The following CCL15 variants were observed in gnomAD, a reference collection of about 807,000 sequenced individuals.
CCL15 encodes the protein C-C motif chemokine ligand 15.
Under a neutral mutation model 10.6 loss-of-function variants are expected in CCL15, and 8 were observed. The ratio of observed to expected loss-of-function variants is 0.75; its 90% CI spans 0.44 to 1.36. The LOEUF is 1.36. Ranked by LOEUF, CCL15 falls within the 40% of genes most tolerant of loss-of-function variation. CCL15 has a pLI of 0.00. For missense variants in CCL15, 128 were observed against 136.6 expected, an observed-to-expected ratio of 0.94 and a Z score of 0.32; for synonymous variants, 51 against 48.8, an observed-to-expected ratio of 1.04 and a Z score of -0.19.
chr17:36,001,332 C>A, intron 1 of CCL15, 85 bp downstream of exon 1: 6 of 1,533,656 alleles, frequency 3.9e-6, no homozygotes, highest in Non-Finnish European at 5.4e-6. Context: ...CATGTCTGGG[C>A]TGGAGAGTAG....
At position 36,001,442 on chromosome 17, in the gene CCL15, A is replaced by G. The variant is rs1311527503; in HGVS notation, c.51T>C (p.Leu17=). The G allele has an allele frequency of 6.2e-7, 1 of 1,614,036 alleles. No homozygotes were observed. The highest frequency in any genetic ancestry group is 1.7e-5 in the Admixed American group (1 of 60,006). Residue 17 remains leucine (L), a synonymous_variant, in exon 1 of 4, where the codon CTT becomes CTC. Transcript: ENST00000617897. ...ALSCLMLVAV[L]GSQAQFTNDA... ...CATTTGTGAACTGGGCCTGGGATCCAAGGACAGCAACAAGCATGAGGCAGG... is the reference window on the plus strand; with the variant it reads ...CATTTGTGAACTGGGCCTGGGATCCGAGGACAGCAACAAGCATGAGGCAGG...
At chr17:36,001,264 G>T (rs957266562) in intron 1 of CCL15, among the ~76,000 whole-genome samples, 153 bp downstream of exon 1, 7 of 152,244 alleles carry the variant, frequency 4.6e-5, no homozygotes, top group African/African-American at 1.7e-4. Flanking sequence ...AGGGTCCAAA[G>T]GCTGCAGACA....
chr17:36,000,690 C>T (rs2089983515), intron 1 of CCL15, among the ~76,000 whole-genome samples: 1 of 152,072 alleles, frequency 6.6e-6, no homozygotes, highest in African/African-American at 2.4e-5. Context: ...GAGACTATCC[C>T]TATACCCCAA....
chr17:35,998,095 A>G (rs1449120448), intron 3 of CCL15, among the ~76,000 whole-genome samples, 185 bp downstream of exon 3: 1 of 151,944 alleles, frequency 6.6e-6, no homozygotes, highest in Non-Finnish European at 1.5e-5. Context: ...TTCCTTCCCT[A>G]TCTCCTCTCC....
In CCL15 at chr17:36,001,358, G is replaced by A. The variant is rs556368365; in HGVS notation, c.76+59C>T. On this transcript the variant is annotated intron_variant, in intron 1 of 3. Coordinates refer to ENST00000617897, the MANE Select transcript of CCL15 (RefSeq NM_032965.6). ...TGGAGAGTAGTCACAACATGTCTCC[G>A]TCCCAGAGCTTGAGTTACCATGGAC... The A allele has an allele frequency of 8.8e-5, 141 of 1,601,898 alleles. No homozygotes were observed. The East Asian group carries it at 2.0e-3, about 23-fold the overall frequency.
Position 36,001,525 on chromosome 17 carries a change from C to G in CCL15, c.-33G>C. 2 of 1,611,796 alleles carry G rather than the reference C, an allele frequency of 1.2e-6. No individual in the cohort carries two copies. The highest frequency in any genetic ancestry group is 1.7e-6 in the Non-Finnish European group (2 of 1,179,628). On this transcript the variant is annotated 5_prime_UTR_variant, in exon 1 of 4. Transcript: ENST00000617897. ...GTGGGCAGGCAGGGCTGGCCGAGGA[C>G]TCCTGGGCTCACTGCTTCCTGGCTC...
At position 35,998,357 on chromosome 17, in the gene CCL15, G is replaced by C; in HGVS notation, c.171C>G (p.Tyr57Ter). The C allele has an allele frequency of 6.2e-7, 1 of 1,614,108 alleles. No individual in the cohort carries two copies. The highest frequency in any genetic ancestry group is 8.5e-7 in the Non-Finnish European group (1 of 1,179,934). The stretch of plus-strand genomic sequence containing the variant: ...GTGAACACGGGATGCTTTGTGAGAT[G>C]TAGGAGGTGCAGCAGTCAGCAGCAA... ...FHFAADCCTS[Y>*]ISQSIPCSLM... The change falls in exon 3 of 4, where the codon TAC becomes TAG. Residue 57 changes from tyrosine to a stop codon, truncating the protein, a stop_gained. Coordinates refer to ENST00000617897, the MANE Select transcript of CCL15 (RefSeq NM_032965.6). LOFTEE classifies it high-confidence loss of function.
At position 35,997,721 on chromosome 17, in the gene CCL15, AGGAGGTGTT is replaced by A; in HGVS notation, c.*37_*45del. 1 of 1,144,224 alleles carries A rather than the reference AGGAGGTGTT, an allele frequency of 8.7e-7. No individual in the cohort carries two copies. The highest frequency in any genetic ancestry group is 1.3e-6 in the Non-Finnish European group (1 of 752,858). The allele number at this position is 1,144,224 out of a possible 1,614,324, so 70.9% of individuals were successfully genotyped here. Reference sequence around the variant, plus strand: ...AAGTATTTCAGACCAAGAAACTCACAGGAGGTGTTGGAGGTGGGTGGCTGGCCTCTTTTG... The same window carrying A: ...AAGTATTTCAGACCAAGAAACTCACAGGAGGTGGGTGGCTGGCCTCTTTTG... On this transcript the variant is annotated 3_prime_UTR_variant, in exon 4 of 4. Transcript: ENST00000617897.
In CCL15 at chr17:35,998,345, G is replaced by A. The variant is rs774089969; in HGVS notation, c.183C>T (p.Ser61=). The A allele has an allele frequency of 2.5e-6, 4 of 1,614,196 alleles. No homozygotes were observed. Among genetic ancestry groups the A allele is most frequent in the Non-Finnish European group, 3.4e-6 (4 of 1,179,996 alleles). The change falls in exon 3 of 4, where the codon AGC becomes AGT. Residue 61 remains serine, a synonymous_variant. Transcript: ENST00000617897. ...AACTTTTCATGAGTGAACACGGGAT[G>A]CTTTGTGAGATGTAGGAGGTGCAGC... ...ADCCTSYISQ[S]IPCSLMKSYF... is the part of the protein sequence containing the mutation.
intron 1 of CCL15, among the ~76,000 whole-genome samples, chr17:35,999,440 G>A (rs1368052325): frequency 1.1e-4 from 16 of 151,672 alleles, no homozygotes; most frequent in Admixed American, 7.9e-4. Context: ...CCAAGGATAA[G>A]TACCATCTAG....
chr17:35,998,613 T>C (rs1422120526), intron 2 of CCL15, among the ~76,000 whole-genome samples: 1 of 152,222 alleles, frequency 6.6e-6, no homozygotes, highest in East Asian at 1.9e-4. Flanking sequence ...GGGGAAGGCA[T>C]CTGCAGACAC....
At chr17:36,000,990 G>T (rs2089988852) in intron 1 of CCL15, among the ~76,000 whole-genome samples, 1 of 152,062 alleles carries the variant, frequency 6.6e-6, no homozygotes, top group African/African-American at 2.4e-5. Flanking sequence ...GATTCCACAG[G>T]AACAAGTGAG....
chr17:35,997,962 T>G, intron 3 of CCL15, 102 bp from the exon 4 acceptor site: 1 of 786,416 alleles, frequency 1.3e-6, no homozygotes, highest in Non-Finnish European at 2.2e-6. Context: ...CAACACAGCC[T>G]GTTTTTTCCT....
chr17:36,000,749 T>G (rs1487683429), intron 1 of CCL15, among the ~76,000 whole-genome samples: 1 of 152,014 alleles, frequency 6.6e-6, no homozygotes, highest in African/African-American at 2.4e-5. Flanking sequence ...GTATGCTCTG[T>G]GCTGCCTTGC....
At chr17:35,998,814 A>G (rs2089950390) in intron 2 of CCL15, 52 bp downstream of exon 2, 1 of 1,369,980 alleles carries the variant, frequency 7.3e-7, no homozygotes, top group African/African-American at 1.4e-5. Context: ...CCCATAGTGC[A>G]GACCTGCACC....
chr17:35,998,200 C>A, intron 3 of CCL15, 80 bp downstream of exon 3: 1 of 889,172 alleles, frequency 1.1e-6, no homozygotes, highest in Admixed American at 2.0e-5. Flanking sequence ...ACCCGATGGA[C>A]GCCCATCCGT....
chr17:35,998,391 C>A lies in CCL15; in HGVS notation c.137G>T (p.Ser46Ile), dbSNP rs777155696. 4 of 1,608,894 alleles carry A rather than the reference C, an allele frequency of 2.5e-6. No homozygotes were observed. The African/African-American group carries it at 5.3e-5, about 21-fold the overall frequency. ...GCAGCAGTCAGCAGCAAAGTGAAAGCCTGCAGCAAGAGAAAGCGTCATCTG... is the reference window on the plus strand; with the variant it reads ...GCAGCAGTCAGCAGCAAAGTGAAAGACTGCAGCAAGAGAAAGCGTCATCTG... ...LPLENPVVLN[S>I]FHFAADCCTS... is the part of the protein sequence containing the mutation. The change falls in exon 3 of 4, where the codon AGC becomes ATC. Residue 46 changes from serine (S) to isoleucine (I), a missense_variant and splice_region_variant. Coordinates refer to ENST00000617897, the MANE Select transcript of CCL15 (RefSeq NM_032965.6).
At chr17:35,998,447 G>GGAGGGT in intron 2 of CCL15, 56 bp from the exon 3 acceptor site, 1 of 1,222,524 alleles carries the variant, frequency 8.2e-7, no homozygotes, top group South Asian at 1.2e-5. Context: ...AAAGCACAGT[G>GGAGGGT]GAGGGTGAGA....
chr17:35,998,929 A>G lies in CCL15; in HGVS notation c.77-4T>C. On this transcript the variant is annotated splice_region_variant and splice_polypyrimidine_tract_variant and intron_variant, in intron 1 of 3. Coordinates refer to ENST00000617897, the MANE Select transcript of CCL15 (RefSeq NM_032965.6). ...ATCATTAACTCTGTCTCTGCATCTG[A>G]AAGAAACAGTACAGGGAAGGAAATC... 6.2e-7 allele frequency: 1 copy of G among 1,612,926 alleles called. No individual in the cohort carries two copies. The highest frequency in any genetic ancestry group is 8.5e-7 in the Non-Finnish European group (1 of 1,178,854).
Sources: gnomAD v4.1 joint callset for allele counts (sites outside exome capture counted in the v4.1 genomes callset) on GRCh38, gnomAD v4.1.1 for gene constraint, MANE v1.5 for transcripts, NCBI Gene and HGNC (gene_info 2026-07-23, HGNC 2026-07-21) for gene names.